Variants in PTPRK observed in about 807,000 individuals in gnomAD.
The protein encoded by PTPRK is protein tyrosine phosphatase receptor type K, also known as receptor-type tyrosine-protein phosphatase kappa.
PTPRK carries 75 observed loss-of-function variants against 178.0 expected under a neutral mutation model. The ratio of observed to expected loss-of-function variants is 0.42; its 90% CI spans 0.35 to 0.51. The LOEUF is 0.51. Ranked by LOEUF, PTPRK falls within the 20% of genes least tolerant of loss-of-function variation. The probability of loss-of-function intolerance (pLI) is 0.02; values close to 1 mark genes in which losing one functional copy is unlikely to be tolerated. For synonymous variants in PTPRK, 637 were observed against 620.6 expected (o/e 1.03, Z -0.39); for missense variants, 1,441 against 1,797.8 (o/e 0.80, Z 3.59).
At chr6:128,281,449 G>A (rs978727082) in intron 3 of PTPRK, among the ~76,000 whole-genome samples, 2 of 152,174 alleles carry the variant, frequency 1.3e-5, no homozygotes, top group Admixed American at 1.3e-4. Context: ...GGCAAAGGCT[G>A]AAGGAAGAGA....
At chr6:128,467,767 A>T (rs1323673337) in intron 1 of PTPRK, among the ~76,000 whole-genome samples, 2 of 151,158 alleles carry the variant, frequency 1.3e-5, no homozygotes, top group African/African-American at 4.9e-5. Context: ...AATTAGAAGC[A>T]AATGTAACTG....
At chr6:128,445,505 T>C (rs1248261507) in intron 1 of PTPRK, among the ~76,000 whole-genome samples, 1 of 150,140 alleles carries the variant, frequency 6.7e-6, no homozygotes, top group Non-Finnish European at 1.5e-5. Context: ...AAAGTATATA[T>C]ATGCTTACAT....
intron 7 of PTPRK, among the ~76,000 whole-genome samples, chr6:128,090,607 C>T (rs1205004898): frequency 6.6e-6 from 1 of 152,104 alleles, no homozygotes; most frequent in Non-Finnish European, 1.5e-5. Flanking sequence ...TTCTAGAAAA[C>T]ATTCAGGTCT....
At chr6:128,150,186 G>A (rs1223330671) in intron 7 of PTPRK, among the ~76,000 whole-genome samples, 2 of 152,028 alleles carry the variant, frequency 1.3e-5, no homozygotes, top group African/African-American at 2.4e-5. Context: ...AAACTCCAGG[G>A]GTAAGAGTGG....
At chr6:128,326,752 A>T (rs778147497) in intron 2 of PTPRK, among the ~76,000 whole-genome samples, 1 of 152,124 alleles carries the variant, frequency 6.6e-6, no homozygotes, top group Non-Finnish European at 1.5e-5. Context: ...GTGGGCTGTA[A>T]TTGTCTTCTA....
At chr6:128,216,222 T>C (rs948563262) in intron 6 of PTPRK, among the ~76,000 whole-genome samples, 1 of 152,148 alleles carries the variant, frequency 6.6e-6, no homozygotes, top group Non-Finnish European at 1.5e-5. Flanking sequence ...ACAAAACTTA[T>C]GGCAGGACTT....
intron 6 of PTPRK, among the ~76,000 whole-genome samples, chr6:128,191,825 C>G (rs1052924121): frequency 6.6e-6 from 1 of 152,096 alleles, no homozygotes; most frequent in Non-Finnish European, 1.5e-5. Context: ...AAATTTACCA[C>G]GTATCCCTAC....
At chr6:128,151,870 T>C (rs1260856875) in intron 7 of PTPRK, among the ~76,000 whole-genome samples, 1 of 151,560 alleles carries the variant, frequency 6.6e-6, no homozygotes, top group Non-Finnish European at 1.5e-5. Flanking sequence ...GAAGAAAAAA[T>C]AAAATAGAGT....
chr6:128,138,723 A>G (rs549452842), intron 7 of PTPRK, among the ~76,000 whole-genome samples: 3 of 152,242 alleles, frequency 2.0e-5, no homozygotes, highest in Non-Finnish European at 2.9e-5. Context: ...TGGGACTTCA[A>G]GCAACTAGGT....
intron 3 of PTPRK, among the ~76,000 whole-genome samples, chr6:128,273,313 C>G (rs535569834): frequency 6.6e-6 from 1 of 151,794 alleles, no homozygotes; most frequent in East Asian, 1.9e-4. Context: ...ACATATGTAA[C>G]AAACCTGCAC....
chr6:128,367,967 T>C (rs1835753808), intron 2 of PTPRK, among the ~76,000 whole-genome samples: 1 of 152,200 alleles, frequency 6.6e-6, no homozygotes, highest in East Asian at 1.9e-4. Context: ...AATCCAGTAC[T>C]TAATTTTTGA....
chr6:128,085,985 T>A (rs1582934021), intron 8 of PTPRK, among the ~76,000 whole-genome samples: 1 of 152,278 alleles, frequency 6.6e-6, no homozygotes, highest in African/African-American at 2.4e-5. Flanking sequence ...AGACAGAAAA[T>A]GTCTCTCTGT....
intron 2 of PTPRK, among the ~76,000 whole-genome samples, chr6:128,346,236 A>T (rs1204513238): frequency 6.6e-6 from 1 of 152,106 alleles, no homozygotes; most frequent in Non-Finnish European, 1.5e-5. Context: ...CATATATTTT[A>T]TAGATTAAAA....
At chr6:128,409,798 G>A (rs955041281) in intron 1 of PTPRK, among the ~76,000 whole-genome samples, 8 of 152,018 alleles carry the variant, frequency 5.3e-5, no homozygotes, top group African/African-American at 1.4e-4. Flanking sequence ...CTTTTTGCCC[G>A]CTGCCATTCC....
intron 3 of PTPRK, among the ~76,000 whole-genome samples, chr6:128,251,901 A>G (rs1816522299): frequency 6.6e-6 from 1 of 152,218 alleles, no homozygotes; most frequent in Admixed American, 6.5e-5. Flanking sequence ...AAGGACTACC[A>G]CATTATCTAA....
chr6:128,103,343 T>C (rs930048814), intron 7 of PTPRK, among the ~76,000 whole-genome samples: 1 of 152,106 alleles, frequency 6.6e-6, no homozygotes, highest in Non-Finnish European at 1.5e-5. Context: ...TGATTCTTCC[T>C]GGACACCAGA....
At chr6:128,194,531 T>C (rs1336432640) in intron 6 of PTPRK, among the ~76,000 whole-genome samples, 2 of 152,330 alleles carry the variant, frequency 1.3e-5, no homozygotes, top group East Asian at 3.9e-4. Context: ...CTCATGGTCA[T>C]TTAATACCTC....
intron 7 of PTPRK, among the ~76,000 whole-genome samples, chr6:128,162,073 A>G (rs1045847575): frequency 1.3e-5 from 2 of 151,650 alleles, no homozygotes; most frequent in African/African-American, 4.8e-5. Context: ...AGCACTACAA[A>G]AAGGAAATGG....
chr6:128,060,078 C>T (rs1016686263), intron 13 of PTPRK, among the ~76,000 whole-genome samples: 5 of 151,852 alleles, frequency 3.3e-5, no homozygotes, highest in East Asian at 1.9e-4. Context: ...AGAGAGGTTC[C>T]GGGGTCCAAT....
Sources: gnomAD v4.1 joint callset for allele counts (sites outside exome capture counted in the v4.1 genomes callset) on GRCh38, gnomAD v4.1.1 for gene constraint, MANE v1.5 for transcripts, NCBI Gene and HGNC (gene_info 2026-07-23, HGNC 2026-07-21) for gene names.